The following RELN variants were observed in gnomAD, a reference collection of about 807,000 sequenced individuals.
The protein encoded by RELN is reelin.
A neutral mutation model predicts 427.6 loss-of-function variants in RELN; 108 were observed. The ratio of observed to expected loss-of-function variants is 0.25; its 90% CI spans 0.22 to 0.30. The LOEUF is 0.30. Ranked by LOEUF, RELN falls within the 10% of genes least tolerant of loss-of-function variation. The pLI, the probability that RELN is intolerant of heterozygous loss-of-function variation, is 1.00. For missense variants in RELN, 3,715 were observed against 4,302.8 expected (o/e 0.86, Z 3.82); for synonymous variants, 1,524 against 1,513.4 (o/e 1.01, Z -0.16).
At chr7:103,770,399 A>G (rs1008691502) in intron 4 of RELN, among the ~76,000 whole-genome samples, 2 of 152,150 alleles carry the variant, frequency 1.3e-5, no homozygotes. Context: ...CAAATCTTAC[A>G]ATAACAATTC....
intron 2 of RELN, among the ~76,000 whole-genome samples, chr7:103,886,836 T>A (rs2116577709): frequency 6.6e-6 from 1 of 152,306 alleles, no homozygotes; most frequent in South Asian, 2.1e-4. Flanking sequence ...GTATATACTT[T>A]TAGGCAGCCA....
chr7:103,483,273 G>A (rs1349942755), intron 62 of RELN, among the ~76,000 whole-genome samples: 1 of 152,160 alleles, frequency 6.6e-6, no homozygotes, highest in Non-Finnish European at 1.5e-5. Flanking sequence ...TAGAAGCTGG[G>A]CTTACAATGC....
At chr7:103,511,338 AAGT>A (rs1207809331) in intron 50 of RELN, among the ~76,000 whole-genome samples, 1 of 152,210 alleles carries the variant, frequency 6.6e-6, no homozygotes, top group African/African-American at 2.4e-5. Context: ...GCATATAAAG[AAGT>A]AGAGATGATT....
intron 2 of RELN, among the ~76,000 whole-genome samples, chr7:103,880,075 C>G (rs911476342): frequency 6.6e-6 from 1 of 151,858 alleles, no homozygotes. Flanking sequence ...TACAAAAATA[C>G]CATCATTCTG....
chr7:103,967,616 C>T lies in RELN; in HGVS notation c.226+21515G>A, dbSNP rs541730133. 3.3e-5 allele frequency among the ~76,000 whole-genome samples: 5 copies of T among 152,316 alleles called. No homozygotes were observed. In the South Asian group the frequency reaches 1.0e-3, roughly 32 times the overall value. ...GCCCACAGACAAAAGGAGAATGCCTCTATCATGTGAGCAAGGCTCCATCCT... is the reference window on the plus strand; with the variant it reads ...GCCCACAGACAAAAGGAGAATGCCTTTATCATGTGAGCAAGGCTCCATCCT... On this transcript the variant is annotated intron_variant, in intron 1 of 64. Transcript: ENST00000428762.
intron 2 of RELN, among the ~76,000 whole-genome samples, chr7:103,845,198 C>CT (rs577825753): frequency 1.5e-4 from 22 of 151,500 alleles, no homozygotes; most frequent in African/African-American, 3.1e-4. Flanking sequence ...CTCTCATCCT[C>CT]TTTTTTTTAT....
intron 50 of RELN, chr7:103,513,781 A>T (rs1005666523): frequency 2.0e-5 from 3 of 152,118 alleles, no homozygotes; most frequent in African/African-American, 7.2e-5. Flanking sequence ...ACAAAAAAAG[A>T]AGCTATGAAA....
chr7:103,667,247 A>AT (rs1322027136), intron 11 of RELN, among the ~76,000 whole-genome samples: 1 of 152,212 alleles, frequency 6.6e-6, no homozygotes, highest in African/African-American at 2.4e-5. Context: ...AGGTAAGCTA[A>AT]TTAGTTCATT....
chr7:103,636,139 C>G (rs1832574658), intron 18 of RELN, 96 bp downstream of exon 18: 2 of 871,952 alleles, frequency 2.3e-6, no homozygotes, highest in African/African-American at 1.7e-5. Context: ...AATGAGATGT[C>G]TATCAGAAAA....
chr7:103,723,030 C>T, intron 8 of RELN, 110 bp downstream of exon 8: 1 of 708,328 alleles, frequency 1.4e-6, no homozygotes, highest in Admixed American at 2.2e-5. Context: ...AAAATTAAGA[C>T]TTACTATTCT....
chr7:103,565,472 A>G lies in RELN; in HGVS notation c.5016T>C (p.Cys1672=), dbSNP rs983510937. The G allele has an allele frequency of 3.7e-6, 6 of 1,613,734 alleles. No homozygotes were observed. Among genetic ancestry groups the G allele is most frequent in the African/African-American group, 1.3e-5 (1 of 74,908 alleles). ...TGTGGGAGTTGCTGAAGGGCTTGCTACAGCCCATGCTCATTTCAAACTGCA... is the reference window on the plus strand; with the variant it reads ...TGTGGGAGTTGCTGAAGGGCTTGCTGCAGCCCATGCTCATTTCAAACTGCA... ...TFLQFEMSMG[C]SKPFSNSHSV... is the part of the protein sequence containing the mutation. The change falls in exon 34 of 65, where the codon TGT becomes TGC. Residue 1672 remains cysteine, a synonymous_variant. Coordinates refer to ENST00000428762, the MANE Select transcript of RELN (RefSeq NM_005045.4).
At chr7:103,814,222 G>T (rs1247429859) in intron 3 of RELN, among the ~76,000 whole-genome samples, 1 of 152,160 alleles carries the variant, frequency 6.6e-6, no homozygotes, top group Non-Finnish European at 1.5e-5. Context: ...TCATAAGACT[G>T]TTGTGAAGAT....
At chr7:103,528,492 T>TTA (rs1829871314) in intron 46 of RELN, among the ~76,000 whole-genome samples, 1 of 151,918 alleles carries the variant, frequency 6.6e-6, no homozygotes, top group South Asian at 2.1e-4. Flanking sequence ...GGGTTTTTTT[T>TTA]TTTATTTAGT....
At chr7:103,744,359 A>C (rs1445031274) in intron 6 of RELN, among the ~76,000 whole-genome samples, 2 of 151,902 alleles carry the variant, frequency 1.3e-5, no homozygotes, top group Non-Finnish European at 2.9e-5. Flanking sequence ...AAGAACTAGA[A>C]AAGCAAGAGC....
chr7:103,671,386 G>C (rs1833389571), intron 11 of RELN, among the ~76,000 whole-genome samples: 1 of 151,898 alleles, frequency 6.6e-6, no homozygotes, highest in African/African-American at 2.4e-5. Context: ...CACTCTCTTT[G>C]GAACAACACT....
chr7:103,830,406 C>T (rs924833263), intron 3 of RELN, among the ~76,000 whole-genome samples: 1 of 151,746 alleles, frequency 6.6e-6, no homozygotes, highest in Non-Finnish European at 1.5e-5. Flanking sequence ...ATAAGCATGG[C>T]TAAAGTTTAA....
rs1232359367 is a variant in RELN, at chr7:103,988,753, G to A, written c.226+378C>T. 1.3e-5 allele frequency among the ~76,000 whole-genome samples: 2 copies of A among 152,184 alleles called. No homozygotes were observed. Among genetic ancestry groups the A allele is most frequent in the African/African-American group, 2.4e-5 (1 of 41,452 alleles). ...CCCCGGGGACCCATCTGGGGGGACCGGGAGCAGGACAAAGGTCTGAAATCC... is the reference window on the plus strand; with the variant it reads ...CCCCGGGGACCCATCTGGGGGGACCAGGAGCAGGACAAAGGTCTGAAATCC... On this transcript the variant is annotated intron_variant, in intron 1 of 64. Transcript: ENST00000428762. The surrounding 1 kb of genome is among the most constrained non-coding windows in gnomAD (Gnocchi z 4.9).
intron 2 of RELN, among the ~76,000 whole-genome samples, chr7:103,861,803 A>T (rs1026547035): frequency 6.6e-6 from 1 of 152,186 alleles, no homozygotes; most frequent in Non-Finnish European, 1.5e-5. Flanking sequence ...AAGATGAGGA[A>T]GTGAAATTAC....
At chr7:103,720,157 A>G (rs1790040489) in intron 8 of RELN, among the ~76,000 whole-genome samples, 1 of 150,266 alleles carries the variant, frequency 6.7e-6, no homozygotes, top group Admixed American at 6.7e-5. Flanking sequence ...TAATATATGT[A>G]TATATTGTAT....
Sources: allele counts gnomAD v4.1 joint callset (sites outside exome capture counted in the v4.1 genomes callset), GRCh38; gene constraint gnomAD v4.1.1; non-coding constraint Gnocchi (gnomAD v3.1); transcripts MANE v1.5; gene names NCBI Gene and HGNC (gene_info 2026-07-23, HGNC 2026-07-21).